The following TRMT2B variants were observed in gnomAD, a reference collection of about 807,000 sequenced individuals.
TRMT2B encodes tRNA methyltransferase 2B, also known as tRNA (uracil-5-)-methyltransferase homolog B.
Under a neutral mutation model 39.7 loss-of-function variants are expected in TRMT2B, and 34 were observed. The observed-to-expected ratio is 0.86, with a 90% CI of 0.65 to 1.14. The LOEUF (loss-of-function observed/expected upper bound fraction) is 1.14. Among genes scored for constraint, TRMT2B ranks in the 50% most tolerant of loss-of-function variants. The pLI is 0.00. For missense variants in TRMT2B, 318 were observed against 377.2 expected (o/e 0.84, Z 1.30); for synonymous variants, 132 against 137.3 (o/e 0.96, Z 0.27).
chrX:101,023,721 C>T (rs1288333909), intron 7 of TRMT2B, 105 bp from the exon 8 acceptor site: 5 of 844,492 alleles, frequency 5.9e-6, no homozygotes, highest in Non-Finnish European at 8.2e-6. Context: ...CCAAAAATTC[C>T]TATGTTGAAG....
Position 101,035,657 on chromosome X carries a change from T to C in TRMT2B, c.565A>G (p.Asn189Asp), listed in dbSNP as rs185104833. Residue 189 changes from asparagine (N) to aspartate (D), a missense_variant, in exon 7 of 14, where the codon AAT becomes GAT. Transcript: ENST00000372936. Reference protein sequence around the residue: ...RDGNVVCVQSNHLKNIPEKHS... With the variant: ...RDGNVVCVQSDHLKNIPEKHS... ...TTCTCAGGGATGTTTTTCAGATGAT[T>C]AGACTGCACACAGACAACGTTCCCA... 2 of 1,208,300 alleles carry C rather than the reference T, an allele frequency of 1.7e-6. No individual in the cohort carries two copies. Among genetic ancestry groups the C allele is most frequent in the Admixed American group, 2.2e-5 (1 of 45,652 alleles).
chrX:100,998,178 T>A, the TRMT2B span, among the ~76,000 whole-genome samples: 11 of 104,554 alleles, frequency 1.1e-4, no homozygotes, highest in Non-Finnish European at 2.1e-4. Context: ...GAGAATCACT[T>A]GAACCCGGGA....
At chrX:101,044,249 G>GAAAAAA (rs35472826) in intron 2 of TRMT2B, among the ~76,000 whole-genome samples, 7 of 43,531 alleles carry the variant, frequency 1.6e-4, no homozygotes, top group Non-Finnish European at 1.7e-4. Flanking sequence ...CTCAAAAAGA[G>GAAAAAA]AAAAAAAAAA....
At chrX:101,033,381 G>C (rs1385695272) in intron 7 of TRMT2B, among the ~76,000 whole-genome samples, 1 of 110,003 alleles carries the variant, frequency 9.1e-6, no homozygotes, top group Non-Finnish European at 1.9e-5. Flanking sequence ...GATCACCTGA[G>C]GTCAGAAGTT....
At chrX:100,973,420 C>G in the TRMT2B span, among the ~76,000 whole-genome samples, 2 of 105,342 alleles carry the variant, frequency 1.9e-5, no homozygotes, top group African/African-American at 6.9e-5. Flanking sequence ...CCGCTGCCTC[C>G]CGGGCGGCGC....
At chrX:101,002,517 C>A in the TRMT2B span, among the ~76,000 whole-genome samples, 1 of 111,648 alleles carries the variant, frequency 9.0e-6, no homozygotes. Context: ...CAGTGGCTCA[C>A]GCCTGTAATC....
chrX:100,992,590 A>C, the TRMT2B span, among the ~76,000 whole-genome samples: 1 of 111,641 alleles, frequency 9.0e-6, no homozygotes, highest in Non-Finnish European at 1.9e-5. Flanking sequence ...CAAAAAAAAA[A>C]TGTTGAAGTA....
chrX:101,005,788 C>T (rs1456251934), downstream of TRMT2B, among the ~76,000 whole-genome samples: 1 of 98,971 alleles, frequency 1.0e-5, no homozygotes, highest in Admixed American at 1.3e-4. Flanking sequence ...GGCCGAGGCA[C>T]GAGAATTGCT....
chrX:101,010,813 CTG>C, intron 13 of TRMT2B, 106 bp from the exon 14 acceptor site: 1 of 747,892 alleles, frequency 1.3e-6, no homozygotes, highest in Non-Finnish European at 1.9e-6. Flanking sequence ...CACAGGCCCC[CTG>C]TGTTTCTCTT....
chrX:101,031,524 A>T (rs2087457871), intron 7 of TRMT2B, among the ~76,000 whole-genome samples: 1 of 111,167 alleles, frequency 9.0e-6, no homozygotes, highest in African/African-American at 3.3e-5. Flanking sequence ...TCTGGCCAAC[A>T]TGGCAAAACC....
chrX:101,004,949 G>A (rs763980400), downstream of TRMT2B, among the ~76,000 whole-genome samples: 2 of 111,748 alleles, frequency 1.8e-5, no homozygotes, highest in East Asian at 5.6e-4. Context: ...CAGGATGTAA[G>A]ATCAGTGTTC....
At chrX:101,025,234 A>G (rs2087006310) in intron 7 of TRMT2B, among the ~76,000 whole-genome samples, 1 of 112,028 alleles carries the variant, frequency 8.9e-6, no homozygotes, top group African/African-American at 3.2e-5. Context: ...CTAAGCTGCT[A>G]TGATTCCACT....
At chrX:101,004,178 T>A in the TRMT2B span, among the ~76,000 whole-genome samples, 1 of 111,221 alleles carries the variant, frequency 9.0e-6, no homozygotes, top group Non-Finnish European at 1.9e-5. Flanking sequence ...AATTTTTTTA[T>A]TTTTTGTGGA....
the TRMT2B span, chrX:100,985,714 CT>C: frequency 8.3e-7 from 1 of 1,210,958 alleles, no homozygotes; most frequent in Non-Finnish European, 1.1e-6. Context: ...ACTGACTACA[CT>C]TTTGTTAGAT....
chrX:101,051,757 G>A, intron 1 of TRMT2B, 24 bp from the exon 2 acceptor site: 1 of 704,713 alleles, frequency 1.4e-6, no homozygotes, highest in Non-Finnish European at 1.7e-6. Flanking sequence ...GTTAAATCAG[G>A]TTTTCCGGGC....
chrX:101,009,329 A>T (rs1182876987), downstream of TRMT2B: 1 of 110,684 alleles, frequency 9.0e-6, no homozygotes, highest in Non-Finnish European at 1.9e-5. Context: ...GAAATCATGG[A>T]CTAGAGAATG....
the TRMT2B span, among the ~76,000 whole-genome samples, chrX:100,989,680 C>G: frequency 1.8e-5 from 2 of 111,655 alleles, no homozygotes; most frequent in Non-Finnish European, 3.8e-5. Flanking sequence ...CAAAAATAAG[C>G]TATGAGGGCT....
intron 2 of TRMT2B, among the ~76,000 whole-genome samples, chrX:101,049,214 C>T (rs1308510078): frequency 1.8e-5 from 2 of 110,815 alleles, no homozygotes; most frequent in African/African-American, 3.3e-5. Context: ...GTGTGGCAGC[C>T]GGGTGCAGTG....
chrX:100,978,576 ATG>A, the TRMT2B span, among the ~76,000 whole-genome samples: 1 of 108,820 alleles, frequency 9.2e-6, no homozygotes, highest in Non-Finnish European at 1.9e-5. Flanking sequence ...TTCAGTCTAT[ATG>A]TGTCTTTATA....
Sources: allele counts gnomAD v4.1 joint callset (sites outside exome capture counted in the v4.1 genomes callset), GRCh38; gene constraint gnomAD v4.1.1; transcripts MANE v1.5; gene names NCBI Gene and HGNC (gene_info 2026-07-23, HGNC 2026-07-21).